SPIRE1: variants seen among roughly 807,000 people sequenced by gnomAD.
SPIRE1 encodes the protein protein spire homolog 1.
Under a neutral mutation model 94.1 loss-of-function variants are expected in SPIRE1, and 40 were observed. That is an observed-to-expected ratio of 0.43 (90% CI 0.33 to 0.55). SPIRE1 has a LOEUF of 0.55. Ranked by LOEUF, SPIRE1 falls within the 20% of genes least tolerant of loss-of-function variation. The pLI, the probability that SPIRE1 is intolerant of heterozygous loss-of-function variation, is 0.06. For synonymous variants in SPIRE1, 376 were observed against 371.7 expected (o/e 1.01, Z -0.13); for missense variants, 838 against 975.2 (o/e 0.86, Z 1.87).
chr18:12,598,662 G>A (rs372795930), intron 2 of SPIRE1, among the ~76,000 whole-genome samples: 47 of 152,186 alleles, frequency 3.1e-4, no homozygotes, highest in African/African-American at 9.9e-4. Flanking sequence ...CAAGGATATC[G>A]ACTGGCTCAG....
chr18:12,456,937 A>C (rs1053902505), intron 12 of SPIRE1, among the ~76,000 whole-genome samples: 2 of 152,156 alleles, frequency 1.3e-5, no homozygotes, highest in African/African-American at 4.8e-5. Flanking sequence ...TCCCGGGTTC[A>C]AGTGATTCTT....
chr18:12,458,272 A>G (rs1455584335), intron 12 of SPIRE1, among the ~76,000 whole-genome samples: 1 of 152,116 alleles, frequency 6.6e-6, no homozygotes, highest in East Asian at 1.9e-4. Context: ...GCAAATTTAA[A>G]TAAAAACAGC....
chr18:12,580,023 C>T (rs779591781), intron 2 of SPIRE1, among the ~76,000 whole-genome samples: 38 of 152,112 alleles, frequency 2.5e-4, no homozygotes, highest in Non-Finnish European at 5.0e-4. Flanking sequence ...AGCTTGATGG[C>T]CTTGACAAGA....
chr18:12,567,057 C>T (rs1429803120), intron 2 of SPIRE1, among the ~76,000 whole-genome samples: 1 of 152,096 alleles, frequency 6.6e-6, no homozygotes, highest in Non-Finnish European at 1.5e-5. Context: ...ATGACATGAT[C>T]ATCTAAGTAG....
intron 2 of SPIRE1, among the ~76,000 whole-genome samples, chr18:12,606,492 T>C (rs935855608): frequency 6.6e-6 from 1 of 151,870 alleles, no homozygotes; most frequent in Non-Finnish European, 1.5e-5. Flanking sequence ...GCTGCTCACT[T>C]TCCTAAAACC....
chr18:12,574,328 C>A (rs1380595223), intron 2 of SPIRE1, among the ~76,000 whole-genome samples: 1 of 152,068 alleles, frequency 6.6e-6, no homozygotes, highest in African/African-American at 2.4e-5. Context: ...GCAGGAAGAT[C>A]AAATAGGAGG....
intron 4 of SPIRE1, among the ~76,000 whole-genome samples, chr18:12,513,861 G>C (rs1189502954): frequency 6.6e-6 from 1 of 151,526 alleles, no homozygotes; most frequent in Non-Finnish European, 1.5e-5. Context: ...TTTATTTTTA[G>C]AGACAGGGTC....
At chr18:12,614,063 C>T (rs1011684967) in intron 2 of SPIRE1, among the ~76,000 whole-genome samples, 1 of 152,042 alleles carries the variant, frequency 6.6e-6, no homozygotes, top group Non-Finnish European at 1.5e-5. Context: ...AGTTCAAGAC[C>T]AGCCAGGACA....
At chr18:12,555,864 A>G (rs888940114) in intron 2 of SPIRE1, among the ~76,000 whole-genome samples, 1 of 152,220 alleles carries the variant, frequency 6.6e-6, no homozygotes, top group Non-Finnish European at 1.5e-5. Flanking sequence ...GAAACTGAAA[A>G]GGAAGAAGTC....
At chr18:12,595,824 G>C (rs1251645118) in intron 2 of SPIRE1, among the ~76,000 whole-genome samples, 3 of 152,220 alleles carry the variant, frequency 2.0e-5, no homozygotes, top group Non-Finnish European at 4.4e-5. Flanking sequence ...TGAGGACAGA[G>C]ACCTCCAGCA....
At chr18:12,539,422 T>G (rs1001921290) in intron 3 of SPIRE1, among the ~76,000 whole-genome samples, 2 of 152,156 alleles carry the variant, frequency 1.3e-5, no homozygotes, top group African/African-American at 4.8e-5. Context: ...CTTAGCCACG[T>G]GGAACTGTGA....
intron 1 of SPIRE1, among the ~76,000 whole-genome samples, chr18:12,647,158 C>T (rs554741375): frequency 2.0e-5 from 3 of 152,034 alleles, no homozygotes; most frequent in South Asian, 2.1e-4. Context: ...TATACCTAAT[C>T]GAATCCTTTT....
In SPIRE1 at chr18:12,463,485, T is replaced by C. The variant is rs536296853; in HGVS notation, c.1504A>G (p.Lys502Glu). 80 of 1,612,662 alleles carry C rather than the reference T, an allele frequency of 5.0e-5. No homozygotes were observed. The Middle Eastern group carries it at 6.7e-4, about 14-fold the overall frequency. ...EAVSTRKKPPKFLPISSTPQP... is the reference protein window; with the variant it reads ...EAVSTRKKPPEFLPISSTPQP... ...GGTGTTGATGATATGGGCAGGAATTTTGGAGGCTCTAAAGATTGAACCAAA... is the reference window on the plus strand; with the variant it reads ...GGTGTTGATGATATGGGCAGGAATTCTGGAGGCTCTAAAGATTGAACCAAA... Residue 502 changes from lysine to glutamate, a missense_variant, in exon 12 of 17, where the codon AAA becomes GAA. Around this residue, in one of 2 missense-constraint regions of SPIRE1, gnomAD observed 645 missense variants for 804.7 expected, o/e 0.80. Transcript: ENST00000409402.
intron 2 of SPIRE1, among the ~76,000 whole-genome samples, chr18:12,630,864 G>A (rs1202839257): frequency 6.6e-6 from 1 of 152,186 alleles, no homozygotes; most frequent in African/African-American, 2.4e-5. Flanking sequence ...AGAGTTGGGT[G>A]AGGGGTTTAC....
chr18:12,614,593 A>G (rs1403637217), intron 2 of SPIRE1, among the ~76,000 whole-genome samples: 1 of 152,126 alleles, frequency 6.6e-6, no homozygotes, highest in Non-Finnish European at 1.5e-5. Context: ...AGGTGGGCAG[A>G]TCACCTGAGG....
At chr18:12,585,090 T>C in intron 2 of SPIRE1, among the ~76,000 whole-genome samples, 1 of 152,042 alleles carries the variant, frequency 6.6e-6, no homozygotes, top group Non-Finnish European at 1.5e-5. Context: ...AGGCGTGAGC[T>C]ACCACGCCAG....
intron 6 of SPIRE1, among the ~76,000 whole-genome samples, chr18:12,499,288 C>T (rs2033573553): frequency 6.6e-6 from 1 of 152,146 alleles, no homozygotes; most frequent in African/African-American, 2.4e-5. Context: ...ATGGTCTCGG[C>T]ACCCTTGTTG....
intron 2 of SPIRE1, among the ~76,000 whole-genome samples, chr18:12,556,502 A>G (rs1035261387): frequency 3.3e-5 from 5 of 152,220 alleles, no homozygotes; most frequent in African/African-American, 1.2e-4. Context: ...GGTGAGTGTT[A>G]TAGTTCTTAA....
At chr18:12,615,792 CT>C (rs1301663449) in intron 2 of SPIRE1, among the ~76,000 whole-genome samples, 1 of 152,088 alleles carries the variant, frequency 6.6e-6, no homozygotes, top group African/African-American at 2.4e-5. Flanking sequence ...AATTCTTGCT[CT>C]TGCTTGATTC....
Sources: allele counts gnomAD v4.1 joint callset (sites outside exome capture counted in the v4.1 genomes callset), GRCh38; gene constraint gnomAD v4.1.1; regional missense constraint gnomAD v4.1.1; transcripts MANE v1.5; gene names NCBI Gene and HGNC (gene_info 2026-07-23, HGNC 2026-07-21).